The following PTPRO variants were observed in gnomAD, a reference collection of about 807,000 sequenced individuals.
PTPRO encodes the protein protein tyrosine phosphatase receptor type O.
A neutral mutation model predicts 145.2 loss-of-function variants in PTPRO; 62 were observed. The observed-to-expected ratio is 0.43, with a 90% confidence interval of 0.35 to 0.53. The LOEUF is 0.53. PTPRO is among the 20% of genes least tolerant of loss of function. The pLI is 0.01. For missense variants in PTPRO, 1,345 were observed against 1,482.7 expected, an observed-to-expected ratio of 0.91 and a Z score of 1.53; for synonymous variants, 565 against 514.7, an observed-to-expected ratio of 1.10 and a Z score of -1.32.
intron 1 of PTPRO, among the ~76,000 whole-genome samples, chr12:15,432,794 T>C (rs1940481140): frequency 6.6e-6 from 1 of 152,236 alleles, no homozygotes; most frequent in Non-Finnish European, 1.5e-5. Context: ...GCCTAATGCA[T>C]GTCTTCTATA....
At position 15,322,661 on chromosome 12, in the gene PTPRO, A is replaced by G; in HGVS notation, c.-66A>G. The G allele has an allele frequency of 7.0e-7, 1 of 1,425,718 alleles. No individual in the cohort carries two copies. 88.3% of individuals were successfully genotyped at this position (1,425,718 alleles called of 1,614,324 possible). On this transcript the variant is annotated 5_prime_UTR_variant, in exon 1 of 27. Transcript: ENST00000281171. This position sits in a 1 kb window ranked among gnomAD's most constrained non-coding sequence, Gnocchi z 6.3. ...TCTGAGGCTGCAGCCCCAGTTCGCC[A>G]TTGTGAGCCGCCGCCGGGGGAGTCC...
intron 1 of PTPRO, among the ~76,000 whole-genome samples, chr12:15,347,335 T>A (rs1867256437): frequency 6.6e-6 from 1 of 152,220 alleles, no homozygotes; most frequent in African/African-American, 2.4e-5. Context: ...CTTGAAGATA[T>A]GTCTATTATT....
chr12:15,586,687 CCTA>C (rs1322958960), intron 23 of PTPRO, among the ~76,000 whole-genome samples: 3 of 152,110 alleles, frequency 2.0e-5, no homozygotes, highest in Non-Finnish European at 4.4e-5. Context: ...GCCTACTTAT[CCTA>C]CTATTTGAAG....
chr12:15,435,809 C>T (rs1014841180), intron 1 of PTPRO, among the ~76,000 whole-genome samples: 2 of 152,196 alleles, frequency 1.3e-5, no homozygotes, highest in African/African-American at 4.8e-5. Context: ...CTAACACATA[C>T]TCCTCCAAAT....
chr12:15,476,092 T>G (rs1189652905), intron 1 of PTPRO, among the ~76,000 whole-genome samples: 1 of 152,148 alleles, frequency 6.6e-6, no homozygotes, highest in Non-Finnish European at 1.5e-5. Context: ...ATGAGAAGTT[T>G]AAGAAGTATT....
intron 1 of PTPRO, 70 bp from the exon 2 acceptor site, chr12:15,483,904 C>T: frequency 6.7e-7 from 1 of 1,489,996 alleles, no homozygotes; most frequent in Non-Finnish European, 9.3e-7. Flanking sequence ...TAAAAATTAT[C>T]TTAGCATAAC....
intron 1 of PTPRO, among the ~76,000 whole-genome samples, chr12:15,468,599 G>A (rs749944542): frequency 6.6e-6 from 1 of 152,186 alleles, no homozygotes; most frequent in East Asian, 1.9e-4. Flanking sequence ...GGAGCTCCTT[G>A]ATCATCAAAT....
rs76522490 is a variant in PTPRO, at chr12:15,376,968, G to T, written c.75+54167G>T. Reference sequence around the variant, plus strand: ...ATGTAACTCTTTTCTTCTTTCATATGATTTAAAAGACAGTTGCAGCAATTG... The same window carrying T: ...ATGTAACTCTTTTCTTCTTTCATATTATTTAAAAGACAGTTGCAGCAATTG... On this transcript the variant is annotated intron_variant, in intron 1 of 26. Transcript: ENST00000281171. Among the ~76,000 whole-genome samples, 126 of 152,226 alleles carry T rather than the reference G, an allele frequency of 8.3e-4. 2 individuals are homozygous for T. The East Asian group carries it at 0.024, about 29-fold the overall frequency.
At chr12:15,337,305 C>G (rs746771502) in intron 1 of PTPRO, 8 of 152,116 alleles carry the variant, frequency 5.3e-5, no homozygotes, top group Non-Finnish European at 7.4e-5. Flanking sequence ...CATAACCAAG[C>G]AGGCATAATA....
intron 1 of PTPRO, among the ~76,000 whole-genome samples, chr12:15,381,218 C>T (rs1399301321): frequency 1.3e-5 from 2 of 152,064 alleles, no homozygotes; most frequent in Non-Finnish European, 2.9e-5. Context: ...TTATCTACAT[C>T]GCAAAGTTTA....
At chr12:15,326,626 G>A (rs531233191) in intron 1 of PTPRO, among the ~76,000 whole-genome samples, 8 of 152,272 alleles carry the variant, frequency 5.3e-5, no homozygotes, top group African/African-American at 1.9e-4. Flanking sequence ...GTATTTAAAC[G>A]TATAAGCAGA....
chr12:15,508,611 G>A lies in PTPRO; in HGVS notation c.1308G>A (p.Pro436=), dbSNP rs747588432. ...GGATTGAAGAACTGACCGAGAAGCC[G>A]CAGCACGTGAGTGTCCACGTTTTAA... ...GEWIEELTEK[P]QHVSVHVLSS... The change falls in exon 7 of 27, where the codon CCG becomes CCA. Residue 436 remains proline (P), a synonymous_variant. Coordinates refer to ENST00000281171, the MANE Select transcript of PTPRO (RefSeq NM_030667.3). 8 of 1,613,930 alleles carry A rather than the reference G, an allele frequency of 5.0e-6. No homozygotes were observed. The South Asian group carries it at 6.6e-5, about 13-fold the overall frequency.
chr12:15,433,373 C>T (rs1016846297), intron 1 of PTPRO, among the ~76,000 whole-genome samples: 5 of 152,016 alleles, frequency 3.3e-5, no homozygotes, highest in African/African-American at 1.2e-4. Flanking sequence ...TTAGTAGAGA[C>T]AGGGTTTCAC....
rs560051111 is a variant in PTPRO at position 15,478,767 on chromosome 12, G to A, written c.76-5207G>A. ...GCTCACTGCAAGCTCCACCTCCCAGGTTCACCCCATTCTCCTGCCTCAGCT... is the reference window on the plus strand; with the variant it reads ...GCTCACTGCAAGCTCCACCTCCCAGATTCACCCCATTCTCCTGCCTCAGCT... On this transcript the variant is annotated intron_variant, in intron 1 of 26. Transcript: ENST00000281171. Among the ~76,000 whole-genome samples the A allele has an allele frequency of 4.6e-5, 7 of 152,124 alleles. No homozygotes were observed. The South Asian group carries it at 1.2e-3, about 27-fold the overall frequency.
At chr12:15,578,971 C>G (rs1172697916) in intron 20 of PTPRO, 28 bp downstream of exon 20, 3 of 1,511,718 alleles carry the variant, frequency 2.0e-6, no homozygotes, top group East Asian at 2.3e-5. Context: ...GCCAATAACA[C>G]TCATGTCTTA....
intron 4 of PTPRO, among the ~76,000 whole-genome samples, chr12:15,500,625 A>AT (rs1942201319): frequency 6.6e-6 from 1 of 152,194 alleles, no homozygotes; most frequent in Non-Finnish European, 1.5e-5. Context: ...ATAAATTTTT[A>AT]TTAGAAGCTC....
intron 17 of PTPRO, 118 bp downstream of exon 17, chr12:15,560,394 T>A: frequency 1.3e-6 from 1 of 766,594 alleles, no homozygotes; most frequent in Non-Finnish European, 2.2e-6. Flanking sequence ...TCTAAAGTTA[T>A]TAATCATGTA....
chr12:15,373,051 T>G (rs560187250), intron 1 of PTPRO, among the ~76,000 whole-genome samples: 2 of 152,316 alleles, frequency 1.3e-5, no homozygotes, highest in African/African-American at 4.8e-5. Flanking sequence ...AATTAGTGTT[T>G]CCAGATGTTT....
At chr12:15,433,004 G>A (rs961986964) in intron 1 of PTPRO, among the ~76,000 whole-genome samples, 1 of 151,654 alleles carries the variant, frequency 6.6e-6, no homozygotes, top group African/African-American at 2.4e-5. Context: ...TGTTGTTGTT[G>A]TTATTGTTTT....
Sources: gnomAD v4.1 joint callset for allele counts (sites outside exome capture counted in the v4.1 genomes callset) on GRCh38, gnomAD v4.1.1 for gene constraint, Gnocchi (gnomAD v3.1) non-coding constraint, MANE v1.5 for transcripts, NCBI Gene and HGNC (gene_info 2026-07-23, HGNC 2026-07-21) for gene names.